HAT1: variants seen among roughly 807,000 people sequenced by gnomAD.
HAT1 encodes histone acetyltransferase type B catalytic subunit.
HAT1 carries 20 observed loss-of-function variants against 56.6 expected under a neutral mutation model. The ratio of observed to expected loss-of-function variants is 0.35; its 90% CI spans 0.25 to 0.51. HAT1 has a LOEUF of 0.51. Ranked by LOEUF, HAT1 falls within the 20% of genes least tolerant of loss-of-function variation. The probability of loss-of-function intolerance (pLI) is 0.95; values close to 1 mark genes in which losing one functional copy is unlikely to be tolerated. For synonymous variants in HAT1, 146 were observed against 165.5 expected (o/e 0.88, Z 0.91); for missense variants, 408 against 504.3 (o/e 0.81, Z 1.83).
intron 8 of HAT1, among the ~76,000 whole-genome samples, chr2:171,969,641 G>T (rs1053208372): frequency 2.0e-5 from 3 of 152,150 alleles, no homozygotes; most frequent in African/African-American, 7.2e-5. Flanking sequence ...CTTTCAAAGG[G>T]CTTAAAGATT....
At chr2:171,979,544 A>G (rs1054679801) in intron 10 of HAT1, 181 bp downstream of exon 10, 3 of 494,424 alleles carry the variant, frequency 6.1e-6, no homozygotes, top group Non-Finnish European at 1.1e-5. Context: ...GTGGTGGCCC[A>G]CACCTGTAAT....
chr2:171,923,739 A>G (rs1353720471), intron 1 of HAT1: 1 of 152,218 alleles, frequency 6.6e-6, no homozygotes, highest in African/African-American at 2.4e-5. Context: ...TTGAAGTACC[A>G]CAGAAGAGGG....
At chr2:171,975,930 C>G (rs1388217135) in intron 8 of HAT1, among the ~76,000 whole-genome samples, 4 of 148,806 alleles carry the variant, frequency 2.7e-5, no homozygotes, top group Admixed American at 6.8e-5. Flanking sequence ...AAGAGTGACT[C>G]TTAGGTTATA....
chr2:171,966,660 C>G (rs1687690300), intron 7 of HAT1, 147 bp downstream of exon 7: 1 of 627,766 alleles, frequency 1.6e-6, no homozygotes, highest in Admixed American at 2.9e-5. Flanking sequence ...TTCATTGTTC[C>G]CTTTGAAACA....
chr2:171,969,117 G>A (rs1687752667), intron 8 of HAT1, among the ~76,000 whole-genome samples: 1 of 152,128 alleles, frequency 6.6e-6, no homozygotes, highest in Non-Finnish European at 1.5e-5. Flanking sequence ...AAGATGTACA[G>A]CATTTGAATA....
At chr2:171,943,566 A>G (rs1345915486) in intron 2 of HAT1, among the ~76,000 whole-genome samples, 2 of 151,154 alleles carry the variant, frequency 1.3e-5, no homozygotes, top group African/African-American at 4.8e-5. Flanking sequence ...AACAATTGAG[A>G]GAATAAAACA....
chr2:171,929,746 T>A (rs947976114), intron 2 of HAT1, among the ~76,000 whole-genome samples: 47 of 152,248 alleles, frequency 3.1e-4, no homozygotes, highest in African/African-American at 1.1e-3. Context: ...AACAAAAAAA[T>A]ATTGAACTTA....
chr2:171,926,325 C>T (rs1157267754), intron 2 of HAT1, among the ~76,000 whole-genome samples: 4 of 152,100 alleles, frequency 2.6e-5, no homozygotes, highest in African/African-American at 9.7e-5. Context: ...CGGAGTTTCA[C>T]TCTTGTTGCC....
At position 171,955,088 on chromosome 2, in the gene HAT1, C is replaced by T. The variant is rs140782824; in HGVS notation, c.309+2087C>T. Among the ~76,000 whole-genome samples, 555 of 152,172 alleles carry T rather than the reference C, an allele frequency of 3.6e-3. 9 individuals are homozygous for T. The highest frequency in any genetic ancestry group is 0.032 in the Admixed American group (493 of 15,284). On this transcript the variant is annotated intron_variant, in intron 4 of 10. Coordinates refer to ENST00000264108, the MANE Select transcript of HAT1 (RefSeq NM_003642.4). The stretch of plus-strand genomic sequence containing the variant: ...TACTGATTTCAGAACACCTCCAGAC[C>T]GTAAGAGAATAAATATTGTTTTAAG...
intron 3 of HAT1, among the ~76,000 whole-genome samples, chr2:171,948,314 T>C (rs1687221450): frequency 6.6e-6 from 1 of 152,166 alleles, no homozygotes; most frequent in Admixed American, 6.6e-5. Flanking sequence ...AACCTCCACT[T>C]CCTGGGTTCA....
Position 171,979,534 on chromosome 2 carries a change from G to A in HAT1, c.1092+171G>A, listed in dbSNP as rs904884753. 1.6e-5 allele frequency: 8 copies of A among 507,744 alleles called. No homozygotes were observed. In the East Asian group the frequency reaches 1.8e-4, roughly 11 times the overall value. 31.5% of individuals were successfully genotyped at this position (507,744 alleles called of 1,614,324 possible). ...TAAAAATTCTCACTCATGGCCGGGC[G>A]TGGTGGCCCACACCTGTAATCCCAG... On this transcript the variant is annotated intron_variant, in intron 10 of 10. Coordinates refer to ENST00000264108, the MANE Select transcript of HAT1 (RefSeq NM_003642.4).
chr2:171,941,901 AT>A (rs539190594), intron 2 of HAT1, among the ~76,000 whole-genome samples: 2 of 151,448 alleles, frequency 1.3e-5, no homozygotes, highest in Non-Finnish European at 2.9e-5. Context: ...AGTGACATAG[AT>A]TTTTTTTGTT....
chr2:171,947,876 C>T (rs774759119), intron 3 of HAT1, among the ~76,000 whole-genome samples: 1 of 151,712 alleles, frequency 6.6e-6, no homozygotes, highest in Admixed American at 6.6e-5. Context: ...GAGACTGTCT[C>T]AAAAAAACAA....
At position 171,976,242 on chromosome 2, in the gene HAT1, A is replaced by G; in HGVS notation, c.909A>G (p.Glu303=). ...LCQDLPCFSR[E]KLMQGFNEDM... Reference sequence around the variant, plus strand: ...AAGATTTGCCCTGTTTTTCCCGGGAAAAATTAATGCAAGGATTCAATGAAG... The same window carrying G: ...AAGATTTGCCCTGTTTTTCCCGGGAGAAATTAATGCAAGGATTCAATGAAG... Residue 303 remains glutamate, a synonymous_variant, in exon 9 of 11, where the codon GAA becomes GAG. Transcript: ENST00000264108. 1 of 1,597,832 alleles carries G rather than the reference A, an allele frequency of 6.3e-7. No homozygotes were observed.
intron 2 of HAT1, among the ~76,000 whole-genome samples, chr2:171,929,836 C>T (rs1297540770): frequency 6.6e-6 from 1 of 152,122 alleles, no homozygotes; most frequent in Non-Finnish European, 1.5e-5. Context: ...ATTAGTGTAA[C>T]TTTCTATTGA....
intron 2 of HAT1, among the ~76,000 whole-genome samples, chr2:171,945,498 AT>A (rs71013093): frequency 0.39 from 47,373 of 122,376 alleles, 8,453 homozygotes; most frequent in South Asian, 0.49. Flanking sequence ...GCTATCTATA[AT>A]TTTTTTTTTT....
rs141557606 is a variant in HAT1, at chr2:171,943,726, C to CATATATATAT, written c.113-2967_113-2958dup. ...GTATATCTCCTAATATATGGACATT[C>CATATATATAT]ATATATATATATATATATATATATG... On this transcript the variant is annotated intron_variant, in intron 2 of 10. Transcript: ENST00000264108. Among the ~76,000 whole-genome samples, 198 of 143,016 alleles carry CATATATATAT rather than the reference C, an allele frequency of 1.4e-3. 1 individual carries two copies. The highest frequency in any genetic ancestry group is 7.4e-3 in the Middle Eastern group (2 of 270). 93.8% of individuals were successfully genotyped at this position (143,016 alleles called of 152,430 possible).
At chr2:171,961,262 A>T (rs1687567272) in intron 4 of HAT1, among the ~76,000 whole-genome samples, 2 of 152,120 alleles carry the variant, frequency 1.3e-5, no homozygotes, top group Admixed American at 6.5e-5. Flanking sequence ...CTATGGTTAC[A>T]CTACTACATT....
Position 171,983,456 on chromosome 2 carries a change from TA to T in HAT1, c.*108del. 1.8e-6 allele frequency: 1 copy of T among 542,596 alleles called. No homozygotes were observed. Among genetic ancestry groups the T allele is most frequent in the South Asian group, 4.3e-5 (1 of 23,522 alleles). The allele number at this position is 542,596 out of a possible 1,614,324, so 33.6% of individuals were successfully genotyped here. A position where few individuals can be genotyped will look rare whatever the true frequency, so the allele number is the denominator to read the frequency against. On this transcript the variant is annotated 3_prime_UTR_variant, in exon 11 of 11. Coordinates refer to ENST00000264108, the MANE Select transcript of HAT1 (RefSeq NM_003642.4). Reference sequence around the variant, plus strand: ...AAATCTTGTGACATTTTGCTTATACTAAAAGTTATCTATCTTTAGTTGAATA... The same window carrying T: ...AAATCTTGTGACATTTTGCTTATACTAAAGTTATCTATCTTTAGTTGAATA...
Sources: allele counts gnomAD v4.1 joint callset (sites outside exome capture counted in the v4.1 genomes callset), GRCh38; gene constraint gnomAD v4.1.1; transcripts MANE v1.5; gene names NCBI Gene and HGNC (gene_info 2026-07-23, HGNC 2026-07-21).